The following PLEKHO1 variants were observed in gnomAD, a reference collection of about 807,000 sequenced individuals.
PLEKHO1 encodes the protein pleckstrin homology domain-containing family O member 1.
PLEKHO1 carries 22 observed loss-of-function variants against 41.4 expected under a neutral mutation model. The observed-to-expected ratio is 0.53, with a 90% CI of 0.38 to 0.76. The LOEUF (loss-of-function observed/expected upper bound fraction) is 0.76, where lower values mean the gene tolerates loss of function less well. Among genes scored for constraint, PLEKHO1 ranks in the 30% least tolerant of loss-of-function variants. PLEKHO1 has a pLI of 0.00. For missense variants in PLEKHO1, 488 were observed against 518.3 expected, an observed-to-expected ratio of 0.94 and a Z score of 0.57; for synonymous variants, 225 against 210.8, an observed-to-expected ratio of 1.07 and a Z score of -0.58.
intron 5 of PLEKHO1, among the ~76,000 whole-genome samples, chr1:150,158,311 AC>A (rs1660261944): frequency 6.6e-6 from 1 of 152,196 alleles, no homozygotes. Context: ...CAAGTAACAA[AC>A]TAAATCACAG....
At chr1:150,157,147 T>G in intron 4 of PLEKHO1, 132 bp downstream of exon 4, 1 of 707,740 alleles carries the variant, frequency 1.4e-6, no homozygotes, top group South Asian at 1.5e-5. Context: ...TACCACCCTT[T>G]TAAAAGCCCT....
At chr1:150,157,588 G>T in intron 5 of PLEKHO1, 102 bp downstream of exon 5, 1 of 747,752 alleles carries the variant, frequency 1.3e-6, no homozygotes, top group Non-Finnish European at 2.3e-6. Context: ...AGGCCTCCTT[G>T]ATGCCAAGAT....
intron 2 of PLEKHO1, 85 bp from the exon 3 acceptor site, chr1:150,155,981 G>GT: frequency 7.5e-7 from 1 of 1,331,242 alleles, no homozygotes; most frequent in Non-Finnish European, 1.1e-6. Context: ...GGCTTCCTCT[G>GT]TTTCCCAAGA....
rs1660292214 is a variant in PLEKHO1 at position 150,158,876 on chromosome 1, C to G, written c.583C>G (p.Pro195Ala). ...LTLDLIQEED[P>A]SPEEPTSCAE... The stretch of plus-strand genomic sequence containing the variant: ...CTTGGACTTGATCCAAGAGGAAGAC[C>G]CTTCCCCTGAGGAACCAACCTCTTG... Residue 195 changes from proline to alanine, a missense_variant, in exon 6 of 6, where the codon CCT (proline) becomes GCT (alanine). Coordinates refer to ENST00000369124, the MANE Select transcript of PLEKHO1 (RefSeq NM_016274.6). 6.2e-7 allele frequency: 1 copy of G among 1,613,866 alleles called. No individual in the cohort carries two copies.
At chr1:150,153,707 G>C (rs1014113698) in intron 2 of PLEKHO1, 1 of 152,116 alleles carries the variant, frequency 6.6e-6, no homozygotes, top group Non-Finnish European at 1.5e-5. Context: ...AAGAGGGCTG[G>C]AGCACCTTAT....
chr1:150,149,651 C>A (rs923850737), upstream of PLEKHO1: 15 of 152,652 alleles, frequency 9.8e-5, no homozygotes, highest in African/African-American at 3.4e-4. Flanking sequence ...CCACCGCGCC[C>A]GCCCACTGGG....
At position 150,159,179 on chromosome 1, in the gene PLEKHO1, AC is replaced by A; in HGVS notation, c.890del (p.Pro297LeufsTer16). The part of the protein sequence containing the change: ...TLQLRAEEPP[T>X]PALPNPGQLS... ...CCAGCTGCGGGCTGAGGAACCCCCA[AC>A]CCCTGCCCTCCCCAACCCGGGGCAG... On this transcript the variant is annotated frameshift_variant, in exon 6 of 6. Transcript: ENST00000369124. LOFTEE classifies it high-confidence loss of function. 1 of 1,612,390 alleles carries A rather than the reference AC, an allele frequency of 6.2e-7. No homozygotes were observed. Among genetic ancestry groups the A allele is most frequent in the Non-Finnish European group, 8.5e-7 (1 of 1,179,308 alleles).
intron 5 of PLEKHO1, 124 bp from the exon 6 acceptor site, chr1:150,158,695 A>C: frequency 1.4e-6 from 1 of 725,122 alleles, no homozygotes; most frequent in Non-Finnish European, 2.4e-6. Context: ...TCTCTAAAAA[A>C]AAGTACTTCT....
chr1:150,157,707 C>A (rs1660233056), intron 5 of PLEKHO1, among the ~76,000 whole-genome samples: 1 of 152,156 alleles, frequency 6.6e-6, no homozygotes, highest in Non-Finnish European at 1.5e-5. Flanking sequence ...GTAATGTTAC[C>A]CTCTTTCGGA....
rs782606986 is a variant in PLEKHO1 at position 150,159,315 on chromosome 1, G to A, written c.1022G>A (p.Arg341Gln). Residue 341 changes from arginine (R) to glutamine (Q), a missense_variant, in exon 6 of 6, where the codon CGG becomes CAG. By Grantham distance (43) the Arg-to-Gln change is conservative. Around this residue, in one of 3 missense-constraint regions of PLEKHO1, gnomAD observed 337 missense variants for 324.6 expected, o/e 1.04. Transcript: ENST00000369124. ...AAGCGAAAGGCCAAGGACCCCCCTC[G>A]GTCTCCGCCGGATTCTGAGTCAGAG... ...DGKRKAKDPP[R>Q]SPPDSESEQL... The A allele has an allele frequency of 6.8e-6, 11 of 1,614,172 alleles. No individual in the cohort carries two copies. The highest frequency in any genetic ancestry group is 3.3e-5 in the South Asian group (3 of 91,074).
At position 150,150,256 on chromosome 1, in the gene PLEKHO1, G is replaced by A. The variant is rs1308576975; in HGVS notation, c.-2G>A. ...GCCGCCCCGCGCCCGCGCCCGCTGGGAATGATGAAGAAGAACAATTCCGCC... is the reference window on the plus strand; with the variant it reads ...GCCGCCCCGCGCCCGCGCCCGCTGGAAATGATGAAGAAGAACAATTCCGCC... On this transcript the variant is annotated 5_prime_UTR_variant, in exon 1 of 6. Coordinates refer to ENST00000369124, the MANE Select transcript of PLEKHO1 (RefSeq NM_016274.6). 20 of 1,108,072 alleles carry A rather than the reference G, an allele frequency of 1.8e-5. No homozygotes were observed. The highest frequency in any genetic ancestry group is 2.1e-5 in the Non-Finnish European group (19 of 901,506). 68.6% of individuals were successfully genotyped at this position (1,108,072 alleles called of 1,614,324 possible). A position where few individuals can be genotyped will look rare whatever the true frequency, so the allele number is the denominator to read the frequency against.
chr1:150,158,046 T>C (rs1213600758), intron 5 of PLEKHO1, among the ~76,000 whole-genome samples: 1 of 152,222 alleles, frequency 6.6e-6, no homozygotes, highest in Non-Finnish European at 1.5e-5. Context: ...GAAGGGCTGC[T>C]GTGAGGAATG....
chr1:150,155,834 T>G (rs923705523), intron 2 of PLEKHO1: 3 of 418,148 alleles, frequency 7.2e-6, no homozygotes, highest in South Asian at 4.8e-5. Flanking sequence ...CTAAGGAGAG[T>G]GAAGAGAAGG....
intron 4 of PLEKHO1, 146 bp downstream of exon 4, chr1:150,157,161 C>G: frequency 1.4e-6 from 1 of 692,244 alleles, no homozygotes; most frequent in Non-Finnish European, 2.6e-6. Context: ...AAGCCCTGAT[C>G]TCTTTCTACC....
At chr1:150,158,724 A>G (rs754108025) in intron 5 of PLEKHO1, 95 bp from the exon 6 acceptor site, 3 of 835,072 alleles carry the variant, frequency 3.6e-6, no homozygotes, top group African/African-American at 1.7e-5. Context: ...GAAGGCTTGT[A>G]GAGGAAAATG....
In PLEKHO1 at chr1:150,159,541, G is replaced by A. The variant is rs2101695080; in HGVS notation, c.*18G>A. 2 of 1,517,894 alleles carry A rather than the reference G, an allele frequency of 1.3e-6. No individual in the cohort carries two copies. The highest frequency in any genetic ancestry group is 1.8e-6 in the Non-Finnish European group (2 of 1,114,586). The allele number at this position is 1,517,894 out of a possible 1,614,324, so 94.0% of individuals were successfully genotyped here. A position where few individuals can be genotyped will look rare whatever the true frequency, so the allele number is the denominator to read the frequency against. ...TGATGTGAGGGCAGGGTGGGGTCTGGAACTTGTCGGGTTGGACAGACTCTT... is the reference window on the plus strand; with the variant it reads ...TGATGTGAGGGCAGGGTGGGGTCTGAAACTTGTCGGGTTGGACAGACTCTT... On this transcript the variant is annotated 3_prime_UTR_variant, in exon 6 of 6. Coordinates refer to ENST00000369124, the MANE Select transcript of PLEKHO1 (RefSeq NM_016274.6).
At chr1:150,157,130 ACTT>A (rs1553820604) in intron 4 of PLEKHO1, 115 bp downstream of exon 4, 3 of 743,932 alleles carry the variant, frequency 4.0e-6, no homozygotes, top group South Asian at 1.5e-5. Flanking sequence ...CACCAGCTCT[ACTT>A]CTTTACCACC....
chr1:150,154,142 A>G (rs1361942971), intron 2 of PLEKHO1: 34 of 152,256 alleles, frequency 2.2e-4, no homozygotes, highest in African/African-American at 7.7e-4. Flanking sequence ...ATAGTAAGTT[A>G]ACTCTCTTCC....
chr1:150,154,055 C>T (rs1571945558), intron 2 of PLEKHO1: 1 of 152,384 alleles, frequency 6.6e-6, no homozygotes, highest in East Asian at 1.9e-4. Flanking sequence ...ATCAGTGTCT[C>T]CTGCTCCCCA....
Sources: gnomAD v4.1 joint callset for allele counts (sites outside exome capture counted in the v4.1 genomes callset) on GRCh38, gnomAD v4.1.1 for gene constraint, gnomAD v4.1.1 regional missense constraint, MANE v1.5 for transcripts, NCBI Gene and HGNC (gene_info 2026-07-23, HGNC 2026-07-21) for gene names.